Variants in AGBL4 observed in about 807,000 individuals in gnomAD.
AGBL4 encodes the protein cytosolic carboxypeptidase 6.
Under a neutral mutation model 66.4 loss-of-function variants are expected in AGBL4, and 58 were observed. That is an observed-to-expected ratio of 0.87 (90% CI 0.71 to 1.09). AGBL4 has a LOEUF of 1.09. AGBL4 is among the 50% of genes least tolerant of loss of function. The pLI is 0.00. For synonymous variants in AGBL4, 234 were observed against 222.9 expected (o/e 1.05, Z -0.44); for missense variants, 579 against 631.0 (o/e 0.92, Z 0.88).
intron 5 of AGBL4, among the ~76,000 whole-genome samples, chr1:49,010,233 C>T (rs375283475): frequency 1.0e-3 from 146 of 145,776 alleles, no homozygotes; most frequent in African/African-American, 3.6e-3. Context: ...TATACACCAA[C>T]AACAGACAAA....
At chr1:48,817,333 T>G (rs1388081493) in intron 6 of AGBL4, among the ~76,000 whole-genome samples, 1 of 152,186 alleles carries the variant, frequency 6.6e-6, no homozygotes, top group Non-Finnish European at 1.5e-5. Context: ...ACAAAGAACG[T>G]AACATAATCC....
At chr1:49,155,176 A>G (rs1283754344) in intron 4 of AGBL4, among the ~76,000 whole-genome samples, 1 of 152,136 alleles carries the variant, frequency 6.6e-6, no homozygotes, top group African/African-American at 2.4e-5. Flanking sequence ...ATCTTATTTA[A>G]CCCTTAAAAT....
chr1:49,556,529 T>C (rs1346473818), intron 3 of AGBL4, among the ~76,000 whole-genome samples: 1 of 150,374 alleles, frequency 6.7e-6, no homozygotes, highest in Non-Finnish European at 1.5e-5. Flanking sequence ...TATATATATA[T>C]ATATATAAAC....
chr1:49,541,450 C>T (rs542338913), intron 3 of AGBL4, among the ~76,000 whole-genome samples: 1 of 152,320 alleles, frequency 6.6e-6, no homozygotes, highest in South Asian at 2.1e-4. Context: ...GCTGCCAGCC[C>T]CGGGCAGTGA....
chr1:48,535,007 T>C (rs1374359199), intron 12 of AGBL4, 91 bp from the exon 13 acceptor site: 4 of 1,261,098 alleles, frequency 3.2e-6, no homozygotes, highest in Non-Finnish European at 4.5e-6. Flanking sequence ...CATTGAAGGA[T>C]GTTGTTTTTA....
intron 3 of AGBL4, among the ~76,000 whole-genome samples, chr1:49,332,205 T>C (rs1037759993): frequency 3.9e-5 from 6 of 152,230 alleles, no homozygotes; most frequent in African/African-American, 1.4e-4. Flanking sequence ...TTCTTCAGTA[T>C]AGAATGATAA....
At chr1:49,546,229 T>C (rs1652470420) in intron 3 of AGBL4, among the ~76,000 whole-genome samples, 1 of 152,018 alleles carries the variant, frequency 6.6e-6, no homozygotes, top group South Asian at 2.1e-4. Context: ...TTTTTATGGC[T>C]GAGTAGTATT....
chr1:49,964,218 T>C (rs1321449166), intron 1 of AGBL4, among the ~76,000 whole-genome samples: 2 of 152,134 alleles, frequency 1.3e-5, no homozygotes, highest in Non-Finnish European at 2.9e-5. Flanking sequence ...TGGTGAAGAA[T>C]GGAAACATAA....
At chr1:49,124,096 G>A (rs1645717868) in intron 4 of AGBL4, among the ~76,000 whole-genome samples, 1 of 152,138 alleles carries the variant, frequency 6.6e-6, no homozygotes, top group South Asian at 2.1e-4. Flanking sequence ...GAGGTGGTAA[G>A]AAGTTCTGTA....
intron 4 of AGBL4, among the ~76,000 whole-genome samples, chr1:49,241,223 C>T (rs1424470569): frequency 1.3e-5 from 2 of 152,004 alleles, no homozygotes; most frequent in African/African-American, 4.8e-5. Flanking sequence ...CATGTCCTGC[C>T]CCCATTTAAT....
chr1:49,863,930 T>A (rs1482905307), intron 1 of AGBL4, among the ~76,000 whole-genome samples: 1 of 152,210 alleles, frequency 6.6e-6, no homozygotes, highest in Non-Finnish European at 1.5e-5. Flanking sequence ...CTGCTGGGTA[T>A]ATAACCCCCC....
At chr1:48,879,889 A>G (rs1649605486) in intron 5 of AGBL4, among the ~76,000 whole-genome samples, 1 of 152,196 alleles carries the variant, frequency 6.6e-6, no homozygotes, top group Non-Finnish European at 1.5e-5. Context: ...TTACTAAATA[A>G]TTCTACCAAT....
At chr1:49,048,549 T>C (rs756473249) in intron 4 of AGBL4, 3 of 152,154 alleles carry the variant, frequency 2.0e-5, no homozygotes, top group Non-Finnish European at 4.4e-5. Flanking sequence ...AGAAATCTAT[T>C]TGAGGAGGGC....
intron 3 of AGBL4, among the ~76,000 whole-genome samples, chr1:49,262,632 C>T (rs906984932): frequency 1.4e-4 from 18 of 133,044 alleles, no homozygotes; most frequent in African/African-American, 4.8e-4. Context: ...GTTAGAATGG[C>T]GATCATTAAA....
intron 6 of AGBL4, among the ~76,000 whole-genome samples, chr1:48,711,789 G>A (rs1236353219): frequency 7.5e-5 from 11 of 146,300 alleles, no homozygotes; most frequent in African/African-American, 2.8e-4. Flanking sequence ...TTCTCTGAGA[G>A]TCCTTATTTC....
chr1:49,563,265 T>G (rs944496190), intron 3 of AGBL4, among the ~76,000 whole-genome samples: 1 of 152,074 alleles, frequency 6.6e-6, no homozygotes, highest in African/African-American at 2.4e-5. Context: ...GAGGGACAAT[T>G]TGACTTCCTC....
intron 3 of AGBL4, among the ~76,000 whole-genome samples, chr1:49,405,589 C>A (rs545708762): frequency 6.6e-6 from 1 of 152,150 alleles, no homozygotes; most frequent in South Asian, 2.1e-4. Context: ...CTCCAGCTTC[C>A]TAGAGGGCTT....
At chr1:48,910,006 G>A (rs559029915) in intron 5 of AGBL4, among the ~76,000 whole-genome samples, 1 of 152,172 alleles carries the variant, frequency 6.6e-6, no homozygotes, top group South Asian at 2.1e-4. Context: ...TGGACTTAAT[G>A]GACTCTATCT....
At position 48,588,656 on chromosome 1, in the gene AGBL4, AGT is replaced by A. The variant is rs57683318; in HGVS notation, c.1105-1492_1105-1491del. 4.0e-3 allele frequency among the ~76,000 whole-genome samples: 594 copies of A among 147,614 alleles called. 2 individuals are homozygous for A. Among genetic ancestry groups the A allele is most frequent in the Middle Eastern group, 0.031 (9 of 292 alleles). ...AGAAAGACTGTGAAAGAAACAGAGA[AGT>A]GTGTGTGTGTGTGTGTGTGTGTGTG... On this transcript the variant is annotated intron_variant, in intron 10 of 13. Transcript: ENST00000371839.
Sources: gnomAD v4.1 joint callset for allele counts (sites outside exome capture counted in the v4.1 genomes callset) on GRCh38, gnomAD v4.1.1 for gene constraint, MANE v1.5 for transcripts, NCBI Gene and HGNC (gene_info 2026-07-23, HGNC 2026-07-21) for gene names.